Variants in ZNF536 observed in about 807,000 individuals in gnomAD.
The protein encoded by ZNF536 is zinc finger protein 536.
In ZNF536, 13 loss-of-function variants were observed where a neutral mutation model predicts 84.5. That is an observed-to-expected ratio of 0.15 (90% CI 0.10 to 0.24). The LOEUF (loss-of-function observed/expected upper bound fraction) is 0.24, where lower values mean the gene tolerates loss of function less well. Ranked by LOEUF, ZNF536 falls within the 10% of genes least tolerant of loss-of-function variation. ZNF536 has a pLI of 1.00. For missense variants in ZNF536, 1,536 were observed against 1,747.5 expected (o/e 0.88, Z 2.16); for synonymous variants, 811 against 742.5 (o/e 1.09, Z -1.50).
chr19:30,483,920 C>T (rs2054189333), intron 2 of ZNF536, among the ~76,000 whole-genome samples: 1 of 152,058 alleles, frequency 6.6e-6, no homozygotes, highest in African/African-American at 2.4e-5. Context: ...ACCCTGTATT[C>T]CATCATTCCT....
At chr19:30,302,928 C>A (rs1356683085) in intron 2 of ZNF536, among the ~76,000 whole-genome samples, 1 of 152,134 alleles carries the variant, frequency 6.6e-6, no homozygotes, top group Non-Finnish European at 1.5e-5. Context: ...CCCTTTTTAC[C>A]CCCTGCTGAA....
At chr19:30,611,399 T>C (rs962841241) in intron 1 of ZNF536, among the ~76,000 whole-genome samples, 1 of 152,218 alleles carries the variant, frequency 6.6e-6, no homozygotes, top group Non-Finnish European at 1.5e-5. Context: ...ACCCCTCTTA[T>C]ACTCCTTATT....
intron 1 of ZNF536, among the ~76,000 whole-genome samples, chr19:30,423,121 G>GCATCCATC (rs202164325): frequency 1.6e-4 from 4 of 25,230 alleles, no homozygotes; most frequent in Non-Finnish European, 3.8e-4. Context: ...ATCCATCCAT[G>GCATCCATC]CATCCATCCA....
chr19:30,304,198 T>A (rs1451206438), intron 2 of ZNF536, among the ~76,000 whole-genome samples: 2 of 152,224 alleles, frequency 1.3e-5, no homozygotes, highest in East Asian at 3.8e-4. Flanking sequence ...GACTACCTCC[T>A]GCACAAACTT....
At chr19:30,427,386 G>A (rs1338842478) in intron 1 of ZNF536, among the ~76,000 whole-genome samples, 1 of 152,160 alleles carries the variant, frequency 6.6e-6, no homozygotes, top group Non-Finnish European at 1.5e-5. Context: ...GAAGCTTTTG[G>A]CATGAATCTG....
exon 2 of ZNF536, chr19:30,712,516 C>T (rs1255332938): frequency 6.6e-6 from 1 of 151,868 alleles, no homozygotes; most frequent in Non-Finnish European, 1.5e-5. Flanking sequence ...CTGCCTACAG[C>T]AGTTTACAAA....
chr19:30,701,340 CACACACACAG>C (rs1201922862), intron 1 of ZNF536, among the ~76,000 whole-genome samples: 1 of 151,188 alleles, frequency 6.6e-6, no homozygotes, highest in African/African-American at 2.4e-5. Flanking sequence ...AACACACCAA[CACACACACAG>C]ACACACACAA....
intron 2 of ZNF536, among the ~76,000 whole-genome samples, chr19:30,481,633 T>A (rs1286581899): frequency 6.6e-6 from 1 of 152,246 alleles, no homozygotes; most frequent in Non-Finnish European, 1.5e-5. Context: ...AACAACTTTT[T>A]AGAATTGAGT....
intron 1 of ZNF536, among the ~76,000 whole-genome samples, chr19:30,627,873 A>C (rs1255255334): frequency 6.6e-6 from 1 of 152,190 alleles, no homozygotes; most frequent in African/African-American, 2.4e-5. Flanking sequence ...CTGCGGGTGC[A>C]GCTTGCAGTA....
intron 1 of ZNF536, among the ~76,000 whole-genome samples, chr19:30,682,621 C>T (rs747366396): frequency 6.6e-6 from 1 of 152,220 alleles, no homozygotes; most frequent in South Asian, 2.1e-4. Flanking sequence ...GGGCAGCTCA[C>T]GGTCCCTCCT....
intron 2 of ZNF536, among the ~76,000 whole-genome samples, chr19:30,517,932 G>C (rs1387247153): frequency 6.6e-6 from 1 of 152,176 alleles, no homozygotes; most frequent in Admixed American, 6.5e-5. Context: ...AAATAGGAAA[G>C]GACTTGGGCG....
rs759432182 is a variant in ZNF536, at chr19:30,444,777, C to A, written c.1215C>A (p.Ser405=). The change falls in exon 2 of 5, where the codon TCC becomes TCA. Residue 405 remains serine (S), a synonymous_variant. Transcript: ENST00000355537. The part of the protein sequence containing the change: ...HLNKLSVKNK[S]PSDPEVPVPM... ...ACAAGCTGTCGGTGAAGAACAAGTC[C>A]CCCAGCGACCCCGAGGTGCCTGTGC... is the stretch of plus-strand genomic sequence containing the variant. 1 of 1,613,954 alleles carries A rather than the reference C, an allele frequency of 6.2e-7. No individual in the cohort carries two copies. Among genetic ancestry groups the A allele is most frequent in the Non-Finnish European group, 8.5e-7 (1 of 1,180,034 alleles).
At chr19:30,440,924 TAGATAG>T (rs2052013660) in intron 1 of ZNF536, among the ~76,000 whole-genome samples, 1 of 151,154 alleles carries the variant, frequency 6.6e-6, no homozygotes, top group Non-Finnish European at 1.5e-5. Context: ...GATAGATAGA[TAGATAG>T]ATAGATAGAT....
chr19:30,321,852 A>G (rs1248921624), intron 2 of ZNF536, among the ~76,000 whole-genome samples: 5 of 149,116 alleles, frequency 3.4e-5, no homozygotes, highest in African/African-American at 1.2e-4. Flanking sequence ...ATCTCAGCTC[A>G]CAGCAACCTC....
chr19:30,682,250 C>T (rs1455203581), intron 1 of ZNF536, among the ~76,000 whole-genome samples: 1 of 152,134 alleles, frequency 6.6e-6, no homozygotes, highest in Middle Eastern at 3.2e-3. Context: ...ACAGCCTGTC[C>T]TCAGTAACCC....
chr19:30,349,922 G>A (rs919382961), intron 2 of ZNF536, among the ~76,000 whole-genome samples: 1 of 152,068 alleles, frequency 6.6e-6, no homozygotes, highest in Non-Finnish European at 1.5e-5. Flanking sequence ...AGTAGAATAT[G>A]TGATTCAACT....
At chr19:30,674,307 C>T (rs2050673768) in intron 1 of ZNF536, among the ~76,000 whole-genome samples, 2 of 152,168 alleles carry the variant, frequency 1.3e-5, no homozygotes, top group South Asian at 4.1e-4. Context: ...TGCCATGCAC[C>T]CTGTGCCCAG....
At chr19:30,579,297 AG>A (rs1270923453) in intron 1 of ZNF536, among the ~76,000 whole-genome samples, 2 of 152,192 alleles carry the variant, frequency 1.3e-5, no homozygotes, top group East Asian at 3.8e-4. Context: ...GTAAAACAAC[AG>A]CAATTTATGT....
At chr19:30,635,177 G>A (rs1432375324) in intron 1 of ZNF536, among the ~76,000 whole-genome samples, 1 of 152,090 alleles carries the variant, frequency 6.6e-6, no homozygotes, top group African/African-American at 2.4e-5. Flanking sequence ...TTTGCCAAAC[G>A]TTCAGGCACT....
Sources: gnomAD v4.1 joint callset for allele counts (sites outside exome capture counted in the v4.1 genomes callset) on GRCh38, gnomAD v4.1.1 for gene constraint, MANE v1.5 for transcripts, NCBI Gene and HGNC (gene_info 2026-07-23, HGNC 2026-07-21) for gene names.